Variants in PSMD1 observed in about 807,000 individuals in gnomAD.
The protein encoded by PSMD1 is proteasome 26S subunit, non-ATPase 1.
PSMD1 carries 18 observed loss-of-function variants against 119.0 expected under a neutral mutation model. The observed-to-expected ratio is 0.15, with a 90% CI of 0.10 to 0.22. The LOEUF is 0.22. PSMD1 is among the 10% of genes least tolerant of loss of function. The pLI is 1.00. For synonymous variants in PSMD1, 374 were observed against 396.6 expected (o/e 0.94, Z 0.68); for missense variants, 702 against 1,158.5 (o/e 0.61, Z 5.72).
At chr2:231,120,151 C>G (rs1695488148) in intron 16 of PSMD1, among the ~76,000 whole-genome samples, 1 of 151,954 alleles carries the variant, frequency 6.6e-6, no homozygotes, top group Admixed American at 6.6e-5. Flanking sequence ...AGGGTTTCGC[C>G]ATCTTGGCCA....
rs1444042822 is a variant in PSMD1, at chr2:231,136,969, ATT to A, written c.1884-1766_1884-1765del. On this transcript the variant is annotated intron_variant, in intron 16 of 24. Transcript: ENST00000308696. ...TTATATTTACATATAGTATATATAT[ATT>A]ATATATATTATATAATTATAATATA... 9.6e-4 allele frequency among the ~76,000 whole-genome samples: 137 copies of A among 142,696 alleles called. 3 individuals are homozygous for A. The East Asian group carries it at 0.026, about 27-fold the overall frequency. The allele number at this position is 142,696 out of a possible 152,430, so 93.6% of individuals were successfully genotyped here. A position where few individuals can be genotyped will look rare whatever the true frequency, so the allele number is the denominator to read the frequency against.
rs755270043 is a variant in PSMD1, at chr2:231,113,818, A to T, written c.1884-24918A>T. 5 of 1,614,154 alleles carry T rather than the reference A, an allele frequency of 3.1e-6. No individual in the cohort carries two copies. The South Asian group carries it at 4.4e-5, about 14-fold the overall frequency. ...GGCCTGGATTGGCTTTTTGATGGCT[A>T]TGTAACGATCCACTGAAATGGCACA... On this transcript the variant is annotated intron_variant, in intron 16 of 24. Coordinates refer to ENST00000308696, the MANE Select transcript of PSMD1 (RefSeq NM_002807.4).
intron 18 of PSMD1, among the ~76,000 whole-genome samples, chr2:231,150,889 ACACT>A (rs1233048706): frequency 6.6e-6 from 1 of 152,220 alleles, no homozygotes; most frequent in African/African-American, 2.4e-5. Context: ...AGGAGGAGTA[ACACT>A]CAGATGATAA....
chr2:231,106,018 G>GT (rs11296704), intron 16 of PSMD1, among the ~76,000 whole-genome samples: 2,008 of 124,438 alleles, frequency 0.016, 21 homozygotes, highest in African/African-American at 0.029. Flanking sequence ...GAATAAAAAG[G>GT]TTTTTTTTTT....
At chr2:231,086,323 G>T (rs1350895615) in intron 15 of PSMD1, among the ~76,000 whole-genome samples, 2 of 152,326 alleles carry the variant, frequency 1.3e-5, no homozygotes, top group South Asian at 4.1e-4. Context: ...AGGATTACAG[G>T]TGTGAGCCAC....
chr2:231,138,921 G>A (rs763447366), intron 17 of PSMD1, 71 bp downstream of exon 17: 2 of 1,100,968 alleles, frequency 1.8e-6, no homozygotes. Context: ...CAGAATTTAT[G>A]TAACAGCTGT....
intron 9 of PSMD1, 77 bp downstream of exon 9, chr2:231,077,239 C>T: frequency 5.8e-6 from 6 of 1,033,534 alleles, no homozygotes; most frequent in South Asian, 5.0e-5. Flanking sequence ...ATATTTATTT[C>T]TTGTTGGATA....
chr2:231,070,026 A>T lies in PSMD1; in HGVS notation c.512A>T (p.Asn171Ile). The T allele has an allele frequency of 6.9e-7, 1 of 1,448,162 alleles. No individual in the cohort carries two copies. The highest frequency in any genetic ancestry group is 9.2e-7 in the Non-Finnish European group (1 of 1,092,702). 89.7% of individuals were successfully genotyped at this position (1,448,162 alleles called of 1,614,324 possible). The change falls in exon 6 of 25, where the codon AAT becomes ATT. Residue 171 changes from asparagine to isoleucine, a missense_variant and splice_region_variant. Transcript: ENST00000308696. ...DVFEKTILESNDVPGMLAYSL... is the reference protein window; with the variant it reads ...DVFEKTILESIDVPGMLAYSL... The stretch of plus-strand genomic sequence containing the variant: ...ATATCTTTAAACTATCTCTTTCAGA[A>T]TGATGTCCCAGGAATGTTAGCTTAT...
chr2:231,098,374 ATC>A (rs887673024), intron 16 of PSMD1, among the ~76,000 whole-genome samples: 4 of 151,042 alleles, frequency 2.6e-5, no homozygotes, highest in Admixed American at 2.0e-4. Flanking sequence ...TACTACTTCT[ATC>A]TCTCTCTCTC....
chr2:231,090,903 G>C (rs1173606507), intron 16 of PSMD1, among the ~76,000 whole-genome samples: 2 of 152,214 alleles, frequency 1.3e-5, no homozygotes, highest in African/African-American at 4.8e-5. Flanking sequence ...GATGAGCAAA[G>C]AAAGTAGTTT....
chr2:231,087,277 A>G lies in PSMD1; in HGVS notation c.1883+96A>G, dbSNP rs151057043. 365 of 983,314 alleles carry G rather than the reference A, an allele frequency of 3.7e-4. No homozygotes were observed. In the African/African-American group the frequency reaches 5.2e-3, roughly 14 times the overall value. 60.9% of individuals were successfully genotyped at this position (983,314 alleles called of 1,614,324 possible). On this transcript the variant is annotated intron_variant, in intron 16 of 24. Coordinates refer to ENST00000308696, the MANE Select transcript of PSMD1 (RefSeq NM_002807.4). Reference sequence around the variant, plus strand: ...CTACCAAACAGTTTAGTCACTAAACAAAAACTAAATACCTGAGGAGTATAT... The same window carrying G: ...CTACCAAACAGTTTAGTCACTAAACGAAAACTAAATACCTGAGGAGTATAT...
intron 16 of PSMD1, among the ~76,000 whole-genome samples, chr2:231,135,434 T>C (rs1695945433): frequency 6.6e-6 from 1 of 152,188 alleles, no homozygotes; most frequent in Non-Finnish European, 1.5e-5. Flanking sequence ...GACCCTGGAA[T>C]GTTTGGTTGA....
chr2:231,146,508 G>T, intron 18 of PSMD1, 152 bp downstream of exon 18: 2 of 572,152 alleles, frequency 3.5e-6, no homozygotes, highest in South Asian at 4.8e-5. Flanking sequence ...AAGAGAATGG[G>T]GAAACTTTAA....
At chr2:231,122,799 T>G (rs1695590462) in intron 16 of PSMD1, among the ~76,000 whole-genome samples, 1 of 152,136 alleles carries the variant, frequency 6.6e-6, no homozygotes, top group African/African-American at 2.4e-5. Flanking sequence ...ATAAAAAAAT[T>G]GAATCGATAG....
chr2:231,137,528 T>C (rs1024812043), intron 16 of PSMD1, among the ~76,000 whole-genome samples: 23 of 152,168 alleles, frequency 1.5e-4, no homozygotes, highest in African/African-American at 3.6e-4. Flanking sequence ...AGTTTCTTTT[T>C]TTTCTTTCTT....
At chr2:231,107,386 G>C (rs764564905) in intron 16 of PSMD1, among the ~76,000 whole-genome samples, 6 of 152,144 alleles carry the variant, frequency 3.9e-5, no homozygotes, top group Non-Finnish European at 2.9e-5. Flanking sequence ...ACCTGAAAAG[G>C]AAAAGCTAAG....
At position 231,083,789 on chromosome 2, in the gene PSMD1, T is replaced by A. The variant is rs775224340; in HGVS notation, c.1722+26T>A. ...GTGAGATCACATACGTCCCTCACTG[T>A]CCATTTATCTCCAGCATGTAAAAAA... On this transcript the variant is annotated intron_variant, in intron 14 of 24. Transcript: ENST00000308696. 22 of 1,605,896 alleles carry A rather than the reference T, an allele frequency of 1.4e-5. No individual in the cohort carries two copies. In the South Asian group the frequency reaches 2.4e-4, roughly 18 times the overall value.
intron 4 of PSMD1, 145 bp from the exon 5 acceptor site, chr2:231,066,761 C>T: frequency 1.7e-6 from 1 of 600,726 alleles, no homozygotes; most frequent in Non-Finnish European, 2.8e-6. Context: ...GAACAGTATT[C>T]AAATGCATAA....
intron 17 of PSMD1, among the ~76,000 whole-genome samples, chr2:231,145,604 A>G (rs192125346): frequency 6.6e-6 from 1 of 152,198 alleles, no homozygotes; most frequent in African/African-American, 2.4e-5. Context: ...GGTTTAAAAC[A>G]CAAACCTGGG....
Sources: allele counts gnomAD v4.1 joint callset (sites outside exome capture counted in the v4.1 genomes callset), GRCh38; gene constraint gnomAD v4.1.1; transcripts MANE v1.5; gene names NCBI Gene and HGNC (gene_info 2026-07-23, HGNC 2026-07-21).